CACNA2D1: variants seen among roughly 807,000 people sequenced by gnomAD.
CACNA2D1 encodes voltage-dependent calcium channel subunit alpha-2/delta-1.
In CACNA2D1, 53 loss-of-function variants were observed where a neutral mutation model predicts 171.5. That is an observed-to-expected ratio of 0.31 (90% CI 0.25 to 0.39). The LOEUF (loss-of-function observed/expected upper bound fraction) is 0.39, where lower values mean the gene tolerates loss of function less well. CACNA2D1 is among the 10% of genes least tolerant of loss of function. The pLI is 1.00. For synonymous variants in CACNA2D1, 442 were observed against 443.1 expected, an observed-to-expected ratio of 1.00 and a Z score of 0.03; for missense variants, 903 against 1,299.8, an observed-to-expected ratio of 0.69 and a Z score of 4.69.
chr7:82,014,825 G>A (rs193096602), intron 12 of CACNA2D1, among the ~76,000 whole-genome samples: 270 of 152,228 alleles, frequency 1.8e-3, no homozygotes, highest in Non-Finnish European at 3.1e-3. Context: ...AGGCCCAGGC[G>A]GGCAGATCAC....
chr7:82,117,523 C>T (rs562143135), intron 5 of CACNA2D1, among the ~76,000 whole-genome samples: 1 of 152,132 alleles, frequency 6.6e-6, no homozygotes. Flanking sequence ...CAGTGGCTCA[C>T]GCCTGTAATC....
At chr7:82,226,704 T>C (rs1443724941) in intron 3 of CACNA2D1, among the ~76,000 whole-genome samples, 1 of 152,212 alleles carries the variant, frequency 6.6e-6, no homozygotes, top group Non-Finnish European at 1.5e-5. Context: ...AAATAAATAC[T>C]ATGAGATCAG....
intron 4 of CACNA2D1, among the ~76,000 whole-genome samples, chr7:82,143,574 A>C (rs1258202975): frequency 6.6e-6 from 1 of 152,166 alleles, no homozygotes; most frequent in Non-Finnish European, 1.5e-5. Flanking sequence ...CATGCTTTTT[A>C]ATCTGATAAA....
intron 3 of CACNA2D1, among the ~76,000 whole-genome samples, chr7:82,215,128 C>CA (rs1337376053): frequency 6.6e-6 from 1 of 151,996 alleles, no homozygotes; most frequent in African/African-American, 2.4e-5. Flanking sequence ...CAGGCCTCTC[C>CA]AAAAAAATGA....
At chr7:82,206,573 G>A (rs1417605422) in intron 3 of CACNA2D1, among the ~76,000 whole-genome samples, 1 of 152,036 alleles carries the variant, frequency 6.6e-6, no homozygotes, top group Non-Finnish European at 1.5e-5. Context: ...CATAAAAGAT[G>A]CAAATTTAAT....
chr7:82,255,425 G>A (rs747275584), intron 3 of CACNA2D1, among the ~76,000 whole-genome samples: 1 of 152,142 alleles, frequency 6.6e-6, no homozygotes, highest in African/African-American at 2.4e-5. Context: ...CCAAAGGTGA[G>A]CACTTTATAA....
At chr7:82,361,029 G>A (rs1268068124) in intron 1 of CACNA2D1, among the ~76,000 whole-genome samples, 1 of 152,138 alleles carries the variant, frequency 6.6e-6, no homozygotes, top group Non-Finnish European at 1.5e-5. Flanking sequence ...CTTCAAATAT[G>A]AGATGGTAAA....
chr7:82,380,192 T>TGAA (rs2129449222), intron 1 of CACNA2D1, among the ~76,000 whole-genome samples: 1 of 152,332 alleles, frequency 6.6e-6, no homozygotes, highest in African/African-American at 2.4e-5. Context: ...TCAAATTTTC[T>TGAA]CACCTCCAAA....
intron 3 of CACNA2D1, among the ~76,000 whole-genome samples, chr7:82,321,136 C>T (rs1212808689): frequency 2.6e-5 from 4 of 152,246 alleles, no homozygotes; most frequent in South Asian, 4.2e-4. Context: ...CAATGGCTCA[C>T]GCCTATAACC....
intron 3 of CACNA2D1, among the ~76,000 whole-genome samples, chr7:82,174,959 G>A (rs1004358731): frequency 1.3e-5 from 2 of 151,768 alleles, no homozygotes; most frequent in Admixed American, 1.3e-4. Flanking sequence ...TTCCATTAGC[G>A]TTGAATTCTG....
intron 4 of CACNA2D1, among the ~76,000 whole-genome samples, chr7:82,139,887 C>G (rs1792140889): frequency 6.6e-6 from 1 of 151,004 alleles, no homozygotes; most frequent in South Asian, 2.1e-4. Flanking sequence ...TGGGCTCAAG[C>G]AATTCTCCTG....
intron 1 of CACNA2D1, among the ~76,000 whole-genome samples, chr7:82,351,059 T>G (rs2129446066): frequency 6.6e-6 from 1 of 152,304 alleles, no homozygotes; most frequent in East Asian, 1.9e-4. Context: ...TTCCTCAGGT[T>G]GTAGACCTAA....
chr7:82,316,154 T>C (rs951017266), intron 3 of CACNA2D1, among the ~76,000 whole-genome samples: 1 of 152,078 alleles, frequency 6.6e-6, no homozygotes, highest in Admixed American at 6.6e-5. Context: ...AAGACACAGA[T>C]AATAAATAAG....
At chr7:81,969,754 T>A in intron 28 of CACNA2D1, 127 bp downstream of exon 28, 2 of 668,396 alleles carry the variant, frequency 3.0e-6, no homozygotes, top group South Asian at 3.3e-5. Context: ...TTGCAAATAC[T>A]CTATTTTTAA....
chr7:82,255,814 A>G (rs571202135), intron 3 of CACNA2D1, among the ~76,000 whole-genome samples: 10 of 152,266 alleles, frequency 6.6e-5, no homozygotes, highest in African/African-American at 9.6e-5. Flanking sequence ...TTACTGACCA[A>G]CTGCCCTACA....
chr7:82,019,135 C>G (rs1260081246), intron 12 of CACNA2D1, among the ~76,000 whole-genome samples: 3 of 151,642 alleles, frequency 2.0e-5, no homozygotes, highest in Admixed American at 2.0e-4. Flanking sequence ...TCCTGGCCAA[C>G]ATGGTGAAAC....
intron 6 of CACNA2D1, among the ~76,000 whole-genome samples, chr7:82,106,329 C>T (rs1432636174): frequency 2.0e-5 from 3 of 151,866 alleles, no homozygotes; most frequent in Admixed American, 2.0e-4. Flanking sequence ...TTGCTGTGAA[C>T]AGTACTGTCA....
At chr7:82,206,469 C>G (rs1800010830) in intron 3 of CACNA2D1, among the ~76,000 whole-genome samples, 1 of 151,954 alleles carries the variant, frequency 6.6e-6, no homozygotes, top group African/African-American at 2.4e-5. Flanking sequence ...CAAATGGTAG[C>G]AATACTACCA....
intron 29 of CACNA2D1, among the ~76,000 whole-genome samples, chr7:81,967,897 T>C (rs1048155369): frequency 6.6e-6 from 1 of 151,438 alleles, no homozygotes; most frequent in Non-Finnish European, 1.5e-5. Context: ...TACAATAAGC[T>C]AAATAAAAAA....
Sources: allele counts gnomAD v4.1 joint callset (sites outside exome capture counted in the v4.1 genomes callset), GRCh38; gene constraint gnomAD v4.1.1; transcripts MANE v1.5; gene names NCBI Gene and HGNC (gene_info 2026-07-23, HGNC 2026-07-21).